Variants in CCL7 observed in about 807,000 individuals in gnomAD.
CCL7 encodes the protein C-C motif chemokine ligand 7, also known as C-C motif chemokine 7.
In CCL7, 8 loss-of-function variants were observed where a neutral mutation model predicts 7.1. That is an observed-to-expected ratio of 1.13 (90% CI 0.66 to 2.04). The LOEUF (loss-of-function observed/expected upper bound fraction) is 2.04. CCL7 is among the 30% of genes most tolerant of loss of function. The pLI is 0.00. For synonymous variants in CCL7, 46 were observed against 41.2 expected, an observed-to-expected ratio of 1.12 and a Z score of -0.45; for missense variants, 134 against 113.6, an observed-to-expected ratio of 1.18 and a Z score of -0.82.
chr17:34,271,318 G>C, intron 2 of CCL7, 55 bp downstream of exon 2: 1 of 1,420,450 alleles, frequency 7.0e-7, no homozygotes, highest in Non-Finnish European at 9.8e-7. Flanking sequence ...TTCTTCCCTG[G>C]GCAGGGAATA....
At chr17:34,270,711 A>C (rs1444123589) in intron 1 of CCL7, among the ~76,000 whole-genome samples, 1 of 152,164 alleles carries the variant, frequency 6.6e-6, no homozygotes, top group Non-Finnish European at 1.5e-5. Flanking sequence ...GTTTCCAGAT[A>C]CCGGGAGACC....
At chr17:34,270,562 G>C (rs1908090716) in intron 1 of CCL7, among the ~76,000 whole-genome samples, 196 bp downstream of exon 1, 1 of 152,234 alleles carries the variant, frequency 6.6e-6, no homozygotes, top group South Asian at 2.1e-4. Flanking sequence ...AATTCCAGCT[G>C]TGAACCCCAA....
At chr17:34,270,467 C>A (rs1384323528) in intron 1 of CCL7, 101 bp downstream of exon 1, 19 of 920,302 alleles carry the variant, frequency 2.1e-5, no homozygotes, top group Non-Finnish European at 3.2e-5. Context: ...ACTTTAACAG[C>A]TACTTTTCCA....
rs201678516 is a variant in CCL7 at position 34,271,898 on chromosome 17, C to T, written c.*96C>T. 3.7e-4 allele frequency: 269 copies of T among 726,396 alleles called. 4 individuals carry two copies. In the South Asian group the frequency reaches 4.6e-3, roughly 12 times the overall value. The allele number at this position is 726,396 out of a possible 1,614,324, so 45.0% of individuals were successfully genotyped here. On this transcript the variant is annotated 3_prime_UTR_variant, in exon 3 of 3. Coordinates refer to ENST00000378569, the MANE Select transcript of CCL7 (RefSeq NM_006273.4). ...AGAGTGGTTCTGAGATTATTTTAAT[C>T]TAATTCTAAGGAATATGAGCTTTAT... is the stretch of plus-strand genomic sequence containing the variant.
At chr17:34,270,798 A>G (rs1908105931) in intron 1 of CCL7, among the ~76,000 whole-genome samples, 1 of 152,132 alleles carries the variant, frequency 6.6e-6, no homozygotes, top group Admixed American at 6.5e-5. Context: ...GAAACTCATG[A>G]CCAAGCATTG....
chr17:34,271,283 C>T lies in CCL7; in HGVS notation c.194+20C>T, dbSNP rs753265144. On this transcript the variant is annotated intron_variant, in intron 2 of 2. Coordinates refer to ENST00000378569, the MANE Select transcript of CCL7 (RefSeq NM_006273.4). Reference sequence around the variant, plus strand: ...TGTAATGTATGTGGACGATGACCACCCACCCCTCACACCTCAGTCCTAGGT... The same window carrying T: ...TGTAATGTATGTGGACGATGACCACTCACCCCTCACACCTCAGTCCTAGGT... 1.3e-6 allele frequency: 2 copies of T among 1,590,628 alleles called. No homozygotes were observed. Among genetic ancestry groups the T allele is most frequent in the African/African-American group, 2.7e-5 (2 of 74,450 alleles).
At chr17:34,271,086 C>G in intron 1 of CCL7, 60 bp from the exon 2 acceptor site, 2 of 1,605,950 alleles carry the variant, frequency 1.2e-6, no homozygotes, top group Admixed American at 1.7e-5. Flanking sequence ...CCCTGTTTTA[C>G]AAACAGAAAG....
chr17:34,270,506 G>A (rs573527690), intron 1 of CCL7, 140 bp downstream of exon 1: 2 of 685,448 alleles, frequency 2.9e-6, no homozygotes, highest in South Asian at 1.9e-5. Flanking sequence ...AAAGGATAAG[G>A]GGTGAGCCCA....
At position 34,272,169 on chromosome 17, in the gene CCL7, T is replaced by C. The variant is rs1908201230; in HGVS notation, c.*367T>C. The C allele has an allele frequency of 6.2e-6, 1 of 162,144 alleles. No homozygotes were observed. Among genetic ancestry groups the C allele is most frequent in the Non-Finnish European group, 1.3e-5 (1 of 74,950 alleles). 10.0% of individuals were successfully genotyped at this position (162,144 alleles called of 1,614,324 possible). On this transcript the variant is annotated 3_prime_UTR_variant, in exon 3 of 3. Coordinates refer to ENST00000378569, the MANE Select transcript of CCL7 (RefSeq NM_006273.4). ...GATATGATGTCCCTATGGAAGCATA[T>C]TGTTATTATATAATTACATATTTGC...
intron 1 of CCL7, 114 bp downstream of exon 1, chr17:34,270,480 A>G (rs566222038): frequency 2.9e-5 from 24 of 824,168 alleles, no homozygotes; most frequent in Middle Eastern, 5.2e-4. Context: ...CTTTTCCAAG[A>G]TAAGGTAACT....
At chr17:34,271,020 T>G (rs961097374) in intron 1 of CCL7, 126 bp from the exon 2 acceptor site, 38 of 1,545,226 alleles carry the variant, frequency 2.5e-5, no homozygotes, top group Non-Finnish European at 3.1e-5. Context: ...GGGTTTGGGA[T>G]GGGCAGCTTT....
At position 34,270,232 on chromosome 17, in the gene CCL7, T is replaced by G. The variant is rs199830895; in HGVS notation, c.-59T>G. 4.0e-5 allele frequency: 61 copies of G among 1,528,364 alleles called. 1 individual carries two copies. In the South Asian group the frequency reaches 6.0e-4, roughly 15 times the overall value. 94.7% of individuals were successfully genotyped at this position (1,528,364 alleles called of 1,614,324 possible). A position where few individuals can be genotyped will look rare whatever the true frequency, so the allele number is the denominator to read the frequency against. On this transcript the variant is annotated 5_prime_UTR_variant, in exon 1 of 3. Transcript: ENST00000378569. ...AGAGCTTCCAGAGGAGCAGAGGGGC[T>G]GAGACCAAACCAGAAACCTCCAATT...
At chr17:34,271,413 A>G (rs1216806336) in intron 2 of CCL7, 150 bp downstream of exon 2, 3 of 711,422 alleles carry the variant, frequency 4.2e-6, no homozygotes, top group Non-Finnish European at 7.1e-6. Flanking sequence ...CCAGTGAGAA[A>G]CAATACAAGT....
chr17:34,271,769 C>A lies in CCL7; in HGVS notation c.267C>A (p.His89Gln). 1 of 1,613,040 alleles carries A rather than the reference C, an allele frequency of 6.2e-7. No homozygotes were observed. The highest frequency in any genetic ancestry group is 1.1e-5 in the South Asian group (1 of 90,940). ...AGTGGGTCCAGGACTTTATGAAGCA[C>A]CTGGACAAGAAAACCCAAACTCCAA... ...TQKWVQDFMK[H>Q]LDKKTQTPKL Residue 89 changes from histidine (H) to glutamine (Q), a missense_variant, in exon 3 of 3, where the codon CAC becomes CAA. By Grantham distance (24) the His-to-Gln change is conservative. Transcript: ENST00000378569.
In CCL7 at chr17:34,270,378, C is replaced by G. The variant is rs760158127; in HGVS notation, c.76+12C>G. On this transcript the variant is annotated intron_variant, in intron 1 of 2. Transcript: ENST00000378569. ...GCTTGCTCAGCCAGGTAAGGTCCCT[C>G]TCTCCTTCTCCTTGAAGCACATTGC... The G allele has an allele frequency of 1.2e-6, 2 of 1,612,198 alleles. No individual in the cohort carries two copies. Among genetic ancestry groups the G allele is most frequent in the Admixed American group, 3.3e-5 (2 of 60,026 alleles).
chr17:34,271,699 T>C lies in CCL7; in HGVS notation c.197T>C (p.Phe66Ser), dbSNP rs1908172064. Reference protein sequence around the residue: ...SSHCPREAVIFKTKLDKEICA... With the variant: ...SSHCPREAVISKTKLDKEICA... ...ACTGTCTCCTTTCTGCTCCACAGCT[T>C]CAAGACCAAACTGGACAAGGAGATC... Residue 66 changes from phenylalanine to serine, a missense_variant and splice_region_variant, in exon 3 of 3, where the codon TTC (phenylalanine) becomes TCC (serine). Transcript: ENST00000378569. 1 of 1,607,168 alleles carries C rather than the reference T, an allele frequency of 6.2e-7. No individual in the cohort carries two copies. Among genetic ancestry groups the C allele is most frequent in the African/African-American group, 1.3e-5 (1 of 74,654 alleles).
chr17:34,270,951 T>C, intron 1 of CCL7, 195 bp from the exon 2 acceptor site: 1 of 1,215,574 alleles, frequency 8.2e-7, no homozygotes, highest in South Asian at 1.7e-5. Flanking sequence ...TGCATCCCTA[T>C]TTCACAGTCC....
In CCL7 at chr17:34,270,469, A is replaced by G. The variant is rs1908086672; in HGVS notation, c.76+103A>G. The G allele has an allele frequency of 7.7e-6, 7 of 904,740 alleles. No homozygotes were observed. In the East Asian group the frequency reaches 1.8e-4, roughly 23 times the overall value. The allele number at this position is 904,740 out of a possible 1,614,324, so 56.0% of individuals were successfully genotyped here. A position where few individuals can be genotyped will look rare whatever the true frequency, so the allele number is the denominator to read the frequency against. On this transcript the variant is annotated intron_variant, in intron 1 of 2. Coordinates refer to ENST00000378569, the MANE Select transcript of CCL7 (RefSeq NM_006273.4). The stretch of plus-strand genomic sequence containing the variant: ...TACCCACAGTCTCACTTTAACAGCT[A>G]CTTTTCCAAGATAAGGTAACTTAGA...
At chr17:34,271,093 A>G in intron 1 of CCL7, 53 bp from the exon 2 acceptor site, 1 of 1,609,434 alleles carries the variant, frequency 6.2e-7, no homozygotes, top group Non-Finnish European at 8.5e-7. Context: ...TTACAAACAG[A>G]AAGACCCAGG....
Sources: gnomAD v4.1 joint callset for allele counts (sites outside exome capture counted in the v4.1 genomes callset) on GRCh38, gnomAD v4.1.1 for gene constraint, MANE v1.5 for transcripts, NCBI Gene and HGNC (gene_info 2026-07-23, HGNC 2026-07-21) for gene names.